Variants in PLCE1 observed in about 807,000 individuals in gnomAD.
PLCE1 encodes the protein 1-phosphatidylinositol 4,5-bisphosphate phosphodiesterase epsilon-1.
Under a neutral mutation model 242.8 loss-of-function variants are expected in PLCE1, and 119 were observed. That is an observed-to-expected ratio of 0.49 (90% CI 0.42 to 0.57). PLCE1 has a LOEUF of 0.57. Ranked by LOEUF, PLCE1 falls within the 20% of genes least tolerant of loss-of-function variation. PLCE1 has a pLI of 0.00. For missense variants in PLCE1, 2,441 were observed against 2,788.8 expected, an observed-to-expected ratio of 0.88 and a Z score of 2.81; for synonymous variants, 945 against 1,017.4, an observed-to-expected ratio of 0.93 and a Z score of 1.35.
At chr10:94,072,340 G>C (rs752078374) in intron 2 of PLCE1, among the ~76,000 whole-genome samples, 1 of 151,724 alleles carries the variant, frequency 6.6e-6, no homozygotes, top group Non-Finnish European at 1.5e-5. Flanking sequence ...GCAGTGGGGC[G>C]ATCTCAGCTC....
chr10:94,020,480 GA>G (rs1228807263), intron 1 of PLCE1, among the ~76,000 whole-genome samples: 1 of 151,976 alleles, frequency 6.6e-6, no homozygotes, highest in Admixed American at 6.6e-5. Flanking sequence ...TTTTAATTTT[GA>G]TTAATTCAAT....
In PLCE1 at chr10:94,040,362, T is replaced by C. The variant is rs183124681; in HGVS notation, c.1206+8110T>C. ...CTCCCTTTCTGCCTAAATGTTGTTA[T>C]CTAAATTGTTTTTTTTATTATCCAA... On this transcript the variant is annotated intron_variant, in intron 2 of 32. Coordinates refer to ENST00000371380, the MANE Select transcript of PLCE1 (RefSeq NM_016341.4). Among the ~76,000 whole-genome samples the C allele has an allele frequency of 7.5e-4, 115 of 152,326 alleles. 1 individual carries two copies. The East Asian group carries it at 0.021, about 28-fold the overall frequency.
Position 94,306,645 on chromosome 10 carries a change from G to A in PLCE1, c.5841G>A (p.Ala1947=), listed in dbSNP as rs530728568. Residue 1947 remains alanine (A), a synonymous_variant, in exon 26 of 33, where the codon GCG becomes GCA. Coordinates refer to ENST00000371380, the MANE Select transcript of PLCE1 (RefSeq NM_016341.4). The surrounding 1 kb of genome is among the most constrained non-coding windows in gnomAD (Gnocchi z 5.7). ...RFAVVENNSS[A]VTAQRIIPLK... ...CAGTTGTGGAAAACAATAGTTCAGCGGTAACTGCTCAGAGAATCATTCCAC... is the reference window on the plus strand; with the variant it reads ...CAGTTGTGGAAAACAATAGTTCAGCAGTAACTGCTCAGAGAATCATTCCAC... 23 of 1,613,994 alleles carry A rather than the reference G, an allele frequency of 1.4e-5. No homozygotes were observed. The highest frequency in any genetic ancestry group is 1.2e-4 in the African/African-American group (9 of 75,040).
chr10:94,094,131 C>T (rs573653798), intron 2 of PLCE1, among the ~76,000 whole-genome samples: 82 of 149,790 alleles, frequency 5.5e-4, no homozygotes, highest in Admixed American at 7.3e-4. Flanking sequence ...TTAGTAGAGA[C>T]GGGGTTTCAC....
chr10:94,300,197 C>G (rs1403333570), intron 24 of PLCE1, among the ~76,000 whole-genome samples: 1 of 152,130 alleles, frequency 6.6e-6, no homozygotes, highest in Non-Finnish European at 1.5e-5. Context: ...TCTGGAAGTG[C>G]CAGGACTGGT....
intron 4 of PLCE1, among the ~76,000 whole-genome samples, chr10:94,195,422 C>CCGGA (rs1216842783): frequency 3.3e-5 from 5 of 152,046 alleles, no homozygotes; most frequent in African/African-American, 4.8e-5. Context: ...GAAAGAAGTC[C>CCGGA]CTGTGTAAAG....
At chr10:94,166,359 T>C (rs2047802488) in intron 3 of PLCE1, among the ~76,000 whole-genome samples, 1 of 152,208 alleles carries the variant, frequency 6.6e-6, no homozygotes, top group South Asian at 2.1e-4. Context: ...AGAAAGCTTG[T>C]GCCCATTTCA....
At chr10:94,166,873 A>G (rs2047822651) in intron 3 of PLCE1, among the ~76,000 whole-genome samples, 1 of 152,224 alleles carries the variant, frequency 6.6e-6, no homozygotes, top group Non-Finnish European at 1.5e-5. Flanking sequence ...TAAGAGCTCA[A>G]TTAATGGCTT....
At chr10:94,266,547 A>G (rs953536180) in intron 16 of PLCE1, among the ~76,000 whole-genome samples, 2 of 152,164 alleles carry the variant, frequency 1.3e-5, no homozygotes, top group Non-Finnish European at 2.9e-5. Flanking sequence ...CATCCTTTTG[A>G]CCTAAACATC....
At chr10:94,045,732 G>C (rs1036827812) in intron 2 of PLCE1, among the ~76,000 whole-genome samples, 1 of 152,190 alleles carries the variant, frequency 6.6e-6, no homozygotes, top group South Asian at 2.1e-4. Context: ...ACCAGCCCTG[G>C]AAGAGTTCAT....
chr10:94,042,411 T>A lies in PLCE1; in HGVS notation c.1206+10159T>A, dbSNP rs2061787081. 2.0e-5 allele frequency among the ~76,000 whole-genome samples: 3 copies of A among 152,170 alleles called. No homozygotes were observed. In the South Asian group the frequency reaches 6.2e-4, roughly 32 times the overall value. ...GGTTAAACACCCCCATTTCATTGGG[T>A]CCTGTGTGACCAATGTCACACCATG... On this transcript the variant is annotated intron_variant, in intron 2 of 32. Coordinates refer to ENST00000371380, the MANE Select transcript of PLCE1 (RefSeq NM_016341.4).
chr10:94,186,183 A>T (rs2048472371), intron 4 of PLCE1, among the ~76,000 whole-genome samples: 1 of 152,202 alleles, frequency 6.6e-6, no homozygotes, highest in Non-Finnish European at 1.5e-5. Context: ...AAAGGTAAAA[A>T]TGGGGCTTCC....
At chr10:94,217,692 A>G (rs865847661) in intron 4 of PLCE1, among the ~76,000 whole-genome samples, 1 of 152,234 alleles carries the variant, frequency 6.6e-6, no homozygotes, top group Admixed American at 6.5e-5. Flanking sequence ...TATTCTCCCT[A>G]GTTGATTTTA....
At chr10:94,076,344 T>C (rs575233391) in intron 2 of PLCE1, among the ~76,000 whole-genome samples, 1 of 152,348 alleles carries the variant, frequency 6.6e-6, no homozygotes, top group South Asian at 2.1e-4. Context: ...CTGGTTGATT[T>C]GATTGACACC....
At chr10:94,314,365 C>G (rs1271702893) in intron 28 of PLCE1, among the ~76,000 whole-genome samples, 2 of 152,070 alleles carry the variant, frequency 1.3e-5, no homozygotes, top group African/African-American at 4.8e-5. Flanking sequence ...TTTGGGAGGC[C>G]GAGGCAGGCG....
intron 4 of PLCE1, among the ~76,000 whole-genome samples, chr10:94,221,907 G>A (rs902894104): frequency 5.9e-5 from 9 of 152,000 alleles, no homozygotes; most frequent in African/African-American, 1.7e-4. Context: ...GAAACTTTTC[G>A]GCAGAAAGTC....
intron 22 of PLCE1, among the ~76,000 whole-genome samples, chr10:94,288,362 G>A (rs1011560931): frequency 6.6e-6 from 1 of 152,178 alleles, no homozygotes; most frequent in Non-Finnish European, 1.5e-5. Context: ...ATAAGATCGT[G>A]GGTCAGAGAC....
At chr10:93,997,099 C>T (rs913369765) in intron 1 of PLCE1, among the ~76,000 whole-genome samples, 1 of 152,138 alleles carries the variant, frequency 6.6e-6, no homozygotes, top group African/African-American at 2.4e-5. Context: ...TATCAATTAA[C>T]GCATTTAATT....
At chr10:94,037,541 G>A (rs1159347650) in intron 2 of PLCE1, among the ~76,000 whole-genome samples, 1 of 152,152 alleles carries the variant, frequency 6.6e-6, no homozygotes, top group Admixed American at 6.5e-5. Flanking sequence ...GATTTGCCAG[G>A]CTGCCTCTTT....
Sources: allele counts gnomAD v4.1 joint callset (sites outside exome capture counted in the v4.1 genomes callset), GRCh38; gene constraint gnomAD v4.1.1; non-coding constraint Gnocchi (gnomAD v3.1); transcripts MANE v1.5; gene names NCBI Gene and HGNC (gene_info 2026-07-23, HGNC 2026-07-21).